Variants in SLC36A4 observed in about 807,000 individuals in gnomAD.
SLC36A4 encodes solute carrier family 36 member 4, also known as neutral amino acid uniporter 4.
Under a neutral mutation model 50.5 loss-of-function variants are expected in SLC36A4, and 49 were observed. The ratio of observed to expected loss-of-function variants is 0.97; its 90% CI spans 0.77 to 1.23. The LOEUF is 1.23. Ranked by LOEUF, SLC36A4 falls within the 50% of genes most tolerant of loss-of-function variation. The pLI is 0.00. For synonymous variants in SLC36A4, 207 were observed against 206.5 expected, an observed-to-expected ratio of 1.00 and a Z score of -0.02; for missense variants, 611 against 608.4, an observed-to-expected ratio of 1.00 and a Z score of -0.05.
intron 6 of SLC36A4, among the ~76,000 whole-genome samples, chr11:93,177,487 C>G (rs1046825569): frequency 1.3e-5 from 2 of 152,178 alleles, no homozygotes; most frequent in Admixed American, 6.5e-5. Context: ...CAGCTTTGTT[C>G]CGTTGCTGGC....
intron 2 of SLC36A4, among the ~76,000 whole-genome samples, chr11:93,185,029 A>G (rs1444522630): frequency 6.6e-6 from 1 of 152,198 alleles, no homozygotes; most frequent in Non-Finnish European, 1.5e-5. Context: ...TTAAAACTAT[A>G]TGAATCAACA....
chr11:93,186,597 A>G (rs1861992548), intron 1 of SLC36A4, among the ~76,000 whole-genome samples: 1 of 152,160 alleles, frequency 6.6e-6, no homozygotes, highest in Non-Finnish European at 1.5e-5. Context: ...ACAACAATTA[A>G]TAATTTAATT....
At chr11:93,155,139 T>C (rs1415972495) in intron 9 of SLC36A4, 1 of 152,074 alleles carries the variant, frequency 6.6e-6, no homozygotes, top group Non-Finnish European at 1.5e-5. Flanking sequence ...CTCTTTAGGG[T>C]TGCAGAATAA....
At chr11:93,153,195 T>C (rs1590929598) in intron 10 of SLC36A4, among the ~76,000 whole-genome samples, 1 of 152,120 alleles carries the variant, frequency 6.6e-6, no homozygotes, top group East Asian at 1.9e-4. Flanking sequence ...TGCAAGATGT[T>C]TATTAATATC....
intron 9 of SLC36A4, chr11:93,160,430 TTTTAAATCAAGAGTCTCAA>T (rs1444524592): frequency 1.0e-6 from 1 of 985,418 alleles, no homozygotes; most frequent in South Asian, 4.7e-5. Flanking sequence ...TAATGGTCCC[TTTTAAATCAAGAGTCTCAA>T]CTAGTTCCAT....
intron 6 of SLC36A4, among the ~76,000 whole-genome samples, chr11:93,174,754 T>C (rs1861371544): frequency 1.4e-5 from 2 of 146,602 alleles, no homozygotes; most frequent in Admixed American, 1.4e-4. Context: ...TTACATTTAT[T>C]GATTTGCATA....
intron 3 of SLC36A4, among the ~76,000 whole-genome samples, chr11:93,184,149 A>G (rs1424710334): frequency 6.6e-6 from 1 of 152,234 alleles, no homozygotes; most frequent in Non-Finnish European, 1.5e-5. Context: ...TAAAATAATA[A>G]TAAGATATAA....
Position 93,148,504 on chromosome 11 carries a change from G to T in SLC36A4, c.*33C>A. ...TTATCTTGATAATTTTCAGAAATGG[G>T]ACAAAAATAGAAGACTCATGATTCT... On this transcript the variant is annotated 3_prime_UTR_variant, in exon 11 of 11. Coordinates refer to ENST00000326402, the MANE Select transcript of SLC36A4 (RefSeq NM_152313.4). The T allele has an allele frequency of 6.4e-7, 1 of 1,563,492 alleles. No homozygotes were observed. Among genetic ancestry groups the T allele is most frequent in the Non-Finnish European group, 8.7e-7 (1 of 1,155,728 alleles).
intron 10 of SLC36A4, among the ~76,000 whole-genome samples, chr11:93,151,308 T>C (rs1860076912): frequency 6.6e-6 from 1 of 152,026 alleles, no homozygotes; most frequent in Admixed American, 6.6e-5. Context: ...CTAATCACAC[T>C]TATTCAGTAT....
In SLC36A4 at chr11:93,185,715, T is replaced by C; in HGVS notation, c.155A>G (p.Gln52Arg). The change falls in exon 2 of 11, where the codon CAA (glutamine) becomes CGA (arginine). Residue 52 changes from glutamine (Q) to arginine (R), a missense_variant. Coordinates refer to ENST00000326402, the MANE Select transcript of SLC36A4 (RefSeq NM_152313.4). ...CGAAATGCCCTCTTGATCATCAAGT[T>C]GGTAATGCTTCTGAACAGGCAGAAG... ...QELLPVQKHY[Q>R]LDDQEGISFV... The C allele has an allele frequency of 6.3e-7, 1 of 1,596,292 alleles. No individual in the cohort carries two copies. Among genetic ancestry groups the C allele is most frequent in the Non-Finnish European group, 8.5e-7 (1 of 1,175,358 alleles).
chr11:93,196,467 C>T (rs962268616), intron 1 of SLC36A4, among the ~76,000 whole-genome samples: 1 of 152,046 alleles, frequency 6.6e-6, no homozygotes, highest in African/African-American at 2.4e-5. Context: ...CCCGGGTTCA[C>T]GCCATTCTCC....
intron 9 of SLC36A4, 147 bp from the exon 10 acceptor site, chr11:93,154,424 G>A (rs1169880846): frequency 2.6e-6 from 1 of 385,912 alleles, no homozygotes; most frequent in African/African-American, 2.1e-5. Context: ...TGTAAAAAAG[G>A]CAAATTGATC....
chr11:93,160,383 G>T, intron 9 of SLC36A4: 1 of 985,346 alleles, frequency 1.0e-6, no homozygotes, highest in Non-Finnish European at 1.2e-6. Context: ...ATGAAAGGTG[G>T]TGTCTAGCTA....
chr11:93,179,951 T>C (rs973317010), intron 6 of SLC36A4: 5 of 321,554 alleles, frequency 1.6e-5, no homozygotes, highest in Non-Finnish European at 2.2e-5. Flanking sequence ...TGAAGCATAG[T>C]CTATACTTAG....
chr11:93,166,154 C>T (rs1860853351), intron 7 of SLC36A4, 138 bp from the exon 8 acceptor site: 1 of 1,283,222 alleles, frequency 7.8e-7, no homozygotes, highest in East Asian at 2.6e-5. Context: ...TTTCAACAAA[C>T]ACTTAAAGCA....
intron 1 of SLC36A4, chr11:93,197,359 G>A (rs761015324): frequency 3.1e-5 from 6 of 195,370 alleles, no homozygotes; most frequent in Non-Finnish European, 6.3e-5. Context: ...GGGATAACAA[G>A]GAGTAAAATG....
chr11:93,196,659 G>A (rs901689579), intron 1 of SLC36A4, among the ~76,000 whole-genome samples: 9 of 152,170 alleles, frequency 5.9e-5, no homozygotes, highest in Non-Finnish European at 7.3e-5. Context: ...GTGAGCCACC[G>A]CGCCAGGCCG....
Position 93,147,743 on chromosome 11 carries a change from G to C in SLC36A4, c.*794C>G, listed in dbSNP as rs1429003564. On this transcript the variant is annotated 3_prime_UTR_variant, in exon 11 of 11. Coordinates refer to ENST00000326402, the MANE Select transcript of SLC36A4 (RefSeq NM_152313.4). ...ATGATGTGAGAAATAAAACATCCTG[G>C]CCTGGGAGTCAGAAGATTAGGTTTT... is the stretch of plus-strand genomic sequence containing the variant. 1.3e-5 allele frequency: 2 copies of C among 152,110 alleles called. No homozygotes were observed. Among genetic ancestry groups the C allele is most frequent in the South Asian group, 4.2e-4 (2 of 4,814 alleles). 9.4% of individuals were successfully genotyped at this position (152,110 alleles called of 1,614,324 possible). A position where few individuals can be genotyped will look rare whatever the true frequency, so the allele number is the denominator to read the frequency against.
At position 93,167,866 on chromosome 11, in the gene SLC36A4, T is replaced by C. The variant is rs1565224125; in HGVS notation, c.768+78A>G. Reference sequence around the variant, plus strand: ...TGAAGTAGGGGTCTTTGCATATCATTACTTTTACCTCCACAGTAAACAAAA... The same window carrying C: ...TGAAGTAGGGGTCTTTGCATATCATCACTTTTACCTCCACAGTAAACAAAA... On this transcript the variant is annotated intron_variant, in intron 7 of 10. Coordinates refer to ENST00000326402, the MANE Select transcript of SLC36A4 (RefSeq NM_152313.4). 4 of 848,962 alleles carry C rather than the reference T, an allele frequency of 4.7e-6. No homozygotes were observed. In the Admixed American group the frequency reaches 9.6e-5, roughly 20 times the overall value. The allele number at this position is 848,962 out of a possible 1,614,324, so 52.6% of individuals were successfully genotyped here.
Sources: gnomAD v4.1 joint callset for allele counts (sites outside exome capture counted in the v4.1 genomes callset) on GRCh38, gnomAD v4.1.1 for gene constraint, MANE v1.5 for transcripts, NCBI Gene and HGNC (gene_info 2026-07-23, HGNC 2026-07-21) for gene names.